Variants in UFL1 observed in about 807,000 individuals in gnomAD.
UFL1 encodes UFM1 specific ligase 1.
Under a neutral mutation model 99.3 loss-of-function variants are expected in UFL1, and 78 were observed. The observed-to-expected ratio is 0.79, with a 90% CI of 0.65 to 0.95. The LOEUF is 0.95. UFL1 is among the 40% of genes least tolerant of loss of function. UFL1 has a pLI of 0.00. For missense variants in UFL1, 936 were observed against 937.0 expected, an observed-to-expected ratio of 1.00 and a Z score of 0.01; for synonymous variants, 335 against 322.2, an observed-to-expected ratio of 1.04 and a Z score of -0.42.
chr6:96,524,198 T>C (rs1299594280), intron 2 of UFL1, among the ~76,000 whole-genome samples, 184 bp from the exon 3 acceptor site: 2 of 152,142 alleles, frequency 1.3e-5, no homozygotes, highest in Non-Finnish European at 2.9e-5. Context: ...AAGTAAGTTA[T>C]TGCTTATGGC....
intron 13 of UFL1, among the ~76,000 whole-genome samples, chr6:96,548,573 G>A (rs377283198): frequency 3.3e-5 from 5 of 151,440 alleles, no homozygotes; most frequent in Admixed American, 2.6e-4. Context: ...GAAAAAGACC[G>A]GCATTAACCA....
At position 96,537,569 on chromosome 6, in the gene UFL1, C is replaced by T; in HGVS notation, c.978+20C>T. On this transcript the variant is annotated intron_variant, in intron 9 of 18. Coordinates refer to ENST00000369278, the MANE Select transcript of UFL1 (RefSeq NM_015323.5). ...ATTGCAGTATGTTTTATCTTTTCCTCACTTTTCTTTAAACAGTGACAACTG... is the reference window on the plus strand; with the variant it reads ...ATTGCAGTATGTTTTATCTTTTCCTTACTTTTCTTTAAACAGTGACAACTG... 6.5e-7 allele frequency: 1 copy of T among 1,548,082 alleles called. No individual in the cohort carries two copies. Among genetic ancestry groups the T allele is most frequent in the Non-Finnish European group, 8.7e-7 (1 of 1,153,416 alleles).
chr6:96,528,377 T>C (rs1769732200), intron 5 of UFL1, 125 bp from the exon 6 acceptor site: 2 of 1,140,468 alleles, frequency 1.8e-6, no homozygotes, highest in Non-Finnish European at 2.4e-6. Context: ...AATCTATGCT[T>C]GTTGAAACTT....
intron 9 of UFL1, 80 bp downstream of exon 9, chr6:96,537,629 G>A: frequency 7.3e-7 from 1 of 1,365,124 alleles, no homozygotes; most frequent in African/African-American, 1.5e-5. Flanking sequence ...TAGAAATTAG[G>A]ATACATAAAG....
At chr6:96,534,434 T>C in intron 7 of UFL1, 113 bp downstream of exon 7, 2 of 855,618 alleles carry the variant, frequency 2.3e-6, no homozygotes, top group Non-Finnish European at 3.3e-6. Context: ...ACTAAAATAT[T>C]TCCTGGTTTA....
chr6:96,538,320 C>A (rs566690232), intron 9 of UFL1, among the ~76,000 whole-genome samples: 1 of 151,816 alleles, frequency 6.6e-6, no homozygotes, highest in South Asian at 2.1e-4. Context: ...TCAGGACATC[C>A]TGGTGGACTG....
Position 96,526,404 on chromosome 6 carries a change from C to T in UFL1, c.434C>T (p.Thr145Ile), listed in dbSNP as rs779229392. 1.9e-5 allele frequency: 30 copies of T among 1,612,140 alleles called. No individual in the cohort carries two copies. In the South Asian group the frequency reaches 3.2e-4, roughly 17 times the overall value. Residue 145 changes from threonine (T) to isoleucine (I), a missense_variant, in exon 5 of 19, where the codon ACT (threonine) becomes ATT (isoleucine). Transcript: ENST00000369278. ...GTCACCATATCAGAACTGTGTAAAA[C>T]TTATGATCTTCCTGGGAACTTTCTG... ...GQVTISELCKTYDLPGNFLTQ... is the reference protein window; with the variant it reads ...GQVTISELCKIYDLPGNFLTQ...
At chr6:96,551,614 A>C (rs1770081434) in intron 16 of UFL1, 101 bp downstream of exon 16, 1 of 930,112 alleles carries the variant, frequency 1.1e-6, no homozygotes, top group Admixed American at 3.0e-5. Context: ...TCCAATCTAA[A>C]ACTAGTATTT....
chr6:96,532,170 G>A (rs921555259), intron 6 of UFL1, among the ~76,000 whole-genome samples: 24 of 152,130 alleles, frequency 1.6e-4, no homozygotes, highest in African/African-American at 5.1e-4. Context: ...TACAAAAAAA[G>A]CTAGAAATTT....
chr6:96,544,807 G>C (rs1325429452), intron 12 of UFL1, among the ~76,000 whole-genome samples: 1 of 150,964 alleles, frequency 6.6e-6, no homozygotes, highest in Non-Finnish European at 1.5e-5. Flanking sequence ...TCTAATATCT[G>C]TAATCTTAAA....
chr6:96,547,132 CAAG>C (rs920531771), intron 12 of UFL1, among the ~76,000 whole-genome samples: 4 of 150,672 alleles, frequency 2.7e-5, no homozygotes, highest in South Asian at 4.2e-4. Context: ...AAGAACTCAA[CAAG>C]AAGAAGCCCC....
chr6:96,540,327 T>C (rs189347635), intron 10 of UFL1, among the ~76,000 whole-genome samples: 192 of 151,452 alleles, frequency 1.3e-3, no homozygotes, highest in African/African-American at 4.5e-3. Flanking sequence ...TAGTTAATAA[T>C]GGGTACAAAA....
chr6:96,526,451 A>G lies in UFL1; in HGVS notation c.465+16A>G, dbSNP rs199790595. The G allele has an allele frequency of 9.1e-5, 145 of 1,590,446 alleles. No homozygotes were observed. In the African/African-American group the frequency reaches 1.9e-3, roughly 21 times the overall value. On this transcript the variant is annotated intron_variant, in intron 5 of 18. Transcript: ENST00000369278. ...TCTGACACAGGTATTTTTTTTCCTAATAATACAATGTGTCTTTTTACCAAA... is the reference window on the plus strand; with the variant it reads ...TCTGACACAGGTATTTTTTTTCCTAGTAATACAATGTGTCTTTTTACCAAA...
intron 10 of UFL1, 51 bp downstream of exon 10, chr6:96,538,861 G>A (rs1216975120): frequency 6.8e-7 from 1 of 1,470,858 alleles, no homozygotes; most frequent in Non-Finnish European, 9.2e-7. Flanking sequence ...TTTCAATTTA[G>A]AATCATCTGA....
In UFL1 at chr6:96,537,677, A is replaced by G. The variant is rs1769872910; in HGVS notation, c.978+128A>G. The G allele has an allele frequency of 3.5e-6, 3 of 845,204 alleles. No homozygotes were observed. The South Asian group carries it at 6.6e-5, about 18-fold the overall frequency. 52.4% of individuals were successfully genotyped at this position (845,204 alleles called of 1,614,324 possible). On this transcript the variant is annotated intron_variant, in intron 9 of 18. Coordinates refer to ENST00000369278, the MANE Select transcript of UFL1 (RefSeq NM_015323.5). ...TTGGAGGCAAATTCTAATCATTGTT[A>G]TAACAAAAATAATCTTTATGCTTAA...
At chr6:96,530,928 C>G (rs912629941) in intron 6 of UFL1, among the ~76,000 whole-genome samples, 1 of 152,202 alleles carries the variant, frequency 6.6e-6, no homozygotes, top group Non-Finnish European at 1.5e-5. Context: ...CAATCAGTAC[C>G]AGTCTGTGGC....
intron 18 of UFL1, 90 bp downstream of exon 18, chr6:96,552,752 G>A (rs912035395): frequency 1.7e-6 from 2 of 1,205,786 alleles, no homozygotes; most frequent in Admixed American, 3.1e-5. Context: ...CAGCACTCAG[G>A]TATAAAATAC....
chr6:96,553,413 C>T lies in UFL1; in HGVS notation c.2295C>T (p.Ala765=). 1 of 1,613,706 alleles carries T rather than the reference C, an allele frequency of 6.2e-7. No homozygotes were observed. The highest frequency in any genetic ancestry group is 1.3e-5 in the African/African-American group (1 of 75,000). Residue 765 remains alanine, a synonymous_variant, in exon 19 of 19, where the codon GCC becomes GCT. Transcript: ENST00000369278. ...NELDKEQEDV[A]STTRKELQEL... is the part of the protein sequence containing the mutation. ...TAGACAAAGAACAAGAAGATGTTGC[C>T]AGTACTACTCGTAAAGAGCTTCAAG...
chr6:96,550,164 C>G (rs1205364502), intron 15 of UFL1, among the ~76,000 whole-genome samples: 1 of 151,754 alleles, frequency 6.6e-6, no homozygotes, highest in Non-Finnish European at 1.5e-5. Context: ...TAGACTAATT[C>G]CAATTAATTT....
Sources: allele counts gnomAD v4.1 joint callset (sites outside exome capture counted in the v4.1 genomes callset), GRCh38; gene constraint gnomAD v4.1.1; transcripts MANE v1.5; gene names NCBI Gene and HGNC (gene_info 2026-07-23, HGNC 2026-07-21).